TMX3: variants seen among roughly 807,000 people sequenced by gnomAD.
TMX3 encodes thioredoxin related transmembrane protein 3, also known as protein disulfide-isomerase TMX3.
In TMX3, 40 loss-of-function variants were observed where a neutral mutation model predicts 64.4. That is an observed-to-expected ratio of 0.62 (90% CI 0.48 to 0.81). The LOEUF (loss-of-function observed/expected upper bound fraction) is 0.81, where lower values mean the gene tolerates loss of function less well. Among genes scored for constraint, TMX3 ranks in the 30% least tolerant of loss-of-function variants. The pLI, the probability that TMX3 is intolerant of heterozygous loss-of-function variation, is 0.00. For missense variants in TMX3, 497 were observed against 534.5 expected (o/e 0.93, Z 0.69); for synonymous variants, 189 against 175.7 (o/e 1.08, Z -0.60).
rs909438809 is a variant in TMX3 at position 68,680,174 on chromosome 18, G to A, written c.1036-643C>T. Among the ~76,000 whole-genome samples, 5 of 152,204 alleles carry A rather than the reference G, an allele frequency of 3.3e-5. No homozygotes were observed. In the East Asian group the frequency reaches 7.7e-4, roughly 23 times the overall value. On this transcript the variant is annotated intron_variant, in intron 14 of 15. Transcript: ENST00000299608. ...TTTTTCAAACTTCTTCACCTTGACC[G>A]AAAGTAGTTATGTTTGTTACTCTGT...
At position 68,676,935 on chromosome 18, in the gene TMX3, A is replaced by T; in HGVS notation, c.1363T>A (p.Ter455ArgextTer20). The part of the protein sequence containing the change: ...PKDVLEKKKD[*>R] ...AAATATTTTATAGTCATCAAGTCTC[A>T]ATCTTTCTTCTTTTCTAATACATCC... The change falls in exon 16 of 16, where the codon TGA becomes AGA. Residue 455 changes from the stop codon to arginine (R), a stop_lost. Coordinates refer to ENST00000299608, the MANE Select transcript of TMX3 (RefSeq NM_019022.5). 1 of 1,610,938 alleles carries T rather than the reference A, an allele frequency of 6.2e-7. No individual in the cohort carries two copies. Among genetic ancestry groups the T allele is most frequent in the Non-Finnish European group, 8.5e-7 (1 of 1,179,070 alleles).
chr18:68,696,229 A>G (rs1915058750), intron 8 of TMX3, among the ~76,000 whole-genome samples: 1 of 152,176 alleles, frequency 6.6e-6, no homozygotes, highest in African/African-American at 2.4e-5. Flanking sequence ...GCTGGAGTAC[A>G]GTGGCGCCAT....
At chr18:68,710,573 T>C (rs369929103) in intron 3 of TMX3, among the ~76,000 whole-genome samples, 159 of 152,266 alleles carry the variant, frequency 1.0e-3, no homozygotes, top group African/African-American at 3.8e-3. Context: ...CTTTGCTGAG[T>C]TCTATTGTAA....
intron 8 of TMX3, chr18:68,696,899 C>CAT (rs1555688218): frequency 8.4e-6 from 2 of 237,628 alleles, no homozygotes; most frequent in South Asian, 5.4e-5. Context: ...CACACACACA[C>CAT]ATACGCACGC....
intron 4 of TMX3, among the ~76,000 whole-genome samples, chr18:68,709,711 A>T (rs2031064879): frequency 6.6e-6 from 1 of 152,138 alleles, no homozygotes; most frequent in African/African-American, 2.4e-5. Flanking sequence ...AAAAAAACGG[A>T]TTCTGAACTC....
At chr18:68,707,321 G>A (rs918890578) in intron 4 of TMX3, among the ~76,000 whole-genome samples, 2 of 152,024 alleles carry the variant, frequency 1.3e-5, no homozygotes, top group Non-Finnish European at 2.9e-5. Context: ...CATATCCAAT[G>A]AGTAAAAAGT....
intron 6 of TMX3, among the ~76,000 whole-genome samples, chr18:68,698,829 A>T (rs1915369689): frequency 6.6e-6 from 1 of 151,908 alleles, no homozygotes; most frequent in Admixed American, 6.6e-5. Context: ...ATCCTGGCTA[A>T]TACGGTGAAA....
chr18:68,695,187 A>G (rs1914938435), intron 8 of TMX3, among the ~76,000 whole-genome samples: 1 of 152,120 alleles, frequency 6.6e-6, no homozygotes, highest in African/African-American at 2.4e-5. Context: ...GTGGACACAC[A>G]TTGTGGTTAT....
At chr18:68,685,603 A>G (rs1436111050) in intron 10 of TMX3, among the ~76,000 whole-genome samples, 2 of 152,128 alleles carry the variant, frequency 1.3e-5, no homozygotes, top group Non-Finnish European at 2.9e-5. Flanking sequence ...AGTTTCTCAC[A>G]TTTATTAATT....
At chr18:68,694,624 G>A (rs1470022985) in intron 8 of TMX3, among the ~76,000 whole-genome samples, 1 of 151,350 alleles carries the variant, frequency 6.6e-6, no homozygotes, top group Non-Finnish European at 1.5e-5. Flanking sequence ...CAAAACCCAA[G>A]CAGAGGCGCC....
chr18:68,686,210 C>T (rs1442990713), intron 10 of TMX3, among the ~76,000 whole-genome samples: 1 of 152,046 alleles, frequency 6.6e-6, no homozygotes, highest in Non-Finnish European at 1.5e-5. Flanking sequence ...ACAGCTGATG[C>T]CTAACAGGGG....
Position 68,700,435 on chromosome 18 carries a change from T to G in TMX3, c.362A>C (p.Asp121Ala). The G allele has an allele frequency of 6.3e-7, 1 of 1,581,990 alleles. No individual in the cohort carries two copies. Among genetic ancestry groups the G allele is most frequent in the Non-Finnish European group, 8.6e-7 (1 of 1,165,764 alleles). The change falls in exon 6 of 16, where the codon GAT becomes GCT. Residue 121 changes from aspartate (D) to alanine (A), a missense_variant. By Grantham distance (126) the Asp-to-Ala change is moderately radical (BLOSUM62 -2). This residue lies in a region of TMX3 where 360 missense variants were observed against 383.5 expected (regional missense o/e 0.94). Transcript: ENST00000299608. ...TACTCTGTGAGCAAACTCAATAATA[T>G]CATCTTTTGTTCGTGGTCCTCTATA... ...YNYRGPRTKD[D>A]IIEFAHRVSG...
At chr18:68,688,539 C>T (rs941785717) in intron 9 of TMX3, 4 of 152,132 alleles carry the variant, frequency 2.6e-5, no homozygotes, top group African/African-American at 9.7e-5. Flanking sequence ...TAAAAGCCTA[C>T]CAATACATCT....
At chr18:68,703,952 A>C (rs944847784) in intron 4 of TMX3, among the ~76,000 whole-genome samples, 1 of 151,998 alleles carries the variant, frequency 6.6e-6, no homozygotes, top group Admixed American at 6.6e-5. Flanking sequence ...CAAACAAACA[A>C]AAATTTAAAA....
intron 6 of TMX3, among the ~76,000 whole-genome samples, chr18:68,699,023 A>G (rs975268437): frequency 9.8e-4 from 148 of 150,718 alleles, no homozygotes; most frequent in Non-Finnish European, 1.4e-3. Flanking sequence ...CTCCGCCTCA[A>G]AAAAAAAAAA....
intron 11 of TMX3, 55 bp downstream of exon 11, chr18:68,684,373 G>A (rs377276101): frequency 1.3e-6 from 2 of 1,543,460 alleles, no homozygotes; most frequent in South Asian, 2.3e-5. Context: ...TCTATCTAAA[G>A]CCATATAGTC....
intron 13 of TMX3, 150 bp from the exon 14 acceptor site, chr18:68,681,260 T>G: frequency 4.5e-6 from 3 of 667,836 alleles, no homozygotes; most frequent in Non-Finnish European, 6.4e-6. Flanking sequence ...ATAGACCTAG[T>G]ATTTACGTGT....
chr18:68,694,655 G>C (rs1914881923), intron 8 of TMX3, among the ~76,000 whole-genome samples: 1 of 152,130 alleles, frequency 6.6e-6, no homozygotes, highest in African/African-American at 2.4e-5. Context: ...GAGGTTTCTG[G>C]CTGGTGAAAC....
chr18:68,691,337 C>T lies in TMX3; in HGVS notation c.595G>A (p.Ala199Thr). The T allele has an allele frequency of 1.3e-6, 2 of 1,575,578 alleles. No homozygotes were observed. Among genetic ancestry groups the T allele is most frequent in the Non-Finnish European group, 1.7e-6 (2 of 1,157,182 alleles). ...GTTTCATCTTTGAAAACAAGCACAG[C>T]TGGCATCTCTTTTAGTGTCACATAC... ...PEYVTLKEMP[A>T]VLVFKDETYF... The change falls in exon 9 of 16, where the codon GCT (alanine) becomes ACT (threonine). Residue 199 changes from alanine to threonine, a missense_variant. Coordinates refer to ENST00000299608, the MANE Select transcript of TMX3 (RefSeq NM_019022.5).
Sources: gnomAD v4.1 joint callset for allele counts (sites outside exome capture counted in the v4.1 genomes callset) on GRCh38, gnomAD v4.1.1 for gene constraint, gnomAD v4.1.1 regional missense constraint, MANE v1.5 for transcripts, NCBI Gene and HGNC (gene_info 2026-07-23, HGNC 2026-07-21) for gene names.